The following ACYP2 variants were observed in gnomAD, a reference collection of about 807,000 sequenced individuals.
ACYP2 encodes acylphosphatase 2.
Under a neutral mutation model 11.2 loss-of-function variants are expected in ACYP2, and 12 were observed. The ratio of observed to expected loss-of-function variants is 1.08; its 90% CI spans 0.69 to 1.74. The LOEUF is 1.74. ACYP2 is among the 40% of genes most tolerant of loss of function. The pLI is 0.00. For synonymous variants in ACYP2, 43 were observed against 32.2 expected (o/e 1.33, Z -1.13); for missense variants, 134 against 101.9 (o/e 1.31, Z -1.35).
chr2:54,028,238 C>G (rs1160467708), intron 2 of ACYP2, among the ~76,000 whole-genome samples: 2 of 152,114 alleles, frequency 1.3e-5, no homozygotes, highest in Non-Finnish European at 2.9e-5. Flanking sequence ...GACTACTCAT[C>G]AGATATTTTG....
At chr2:54,008,501 A>G (rs1479590647) in intron 2 of ACYP2, among the ~76,000 whole-genome samples, 1 of 152,180 alleles carries the variant, frequency 6.6e-6, no homozygotes, top group African/African-American at 2.4e-5. Flanking sequence ...TATTCTACAC[A>G]AATTTACCAA....
chr2:54,078,423 G>A (rs1256369270), intron 4 of ACYP2, among the ~76,000 whole-genome samples: 4 of 72,546 alleles, frequency 5.5e-5, no homozygotes, highest in East Asian at 1.6e-3. Flanking sequence ...TATATGGTAC[G>A]CATATATATA....
At chr2:54,066,343 T>C (rs1676746417) in intron 4 of ACYP2, among the ~76,000 whole-genome samples, 1 of 152,178 alleles carries the variant, frequency 6.6e-6, no homozygotes, top group Non-Finnish European at 1.5e-5. Flanking sequence ...TGATTGTAAG[T>C]TTCTTGAGGC....
chr2:54,218,564 AT>A (rs1228646317), intron 6 of ACYP2, among the ~76,000 whole-genome samples: 1 of 152,184 alleles, frequency 6.6e-6, no homozygotes, highest in African/African-American at 2.4e-5. Context: ...AAGATGTTTT[AT>A]TTAGGATTGC....
chr2:54,183,269 TGTG>T (rs1435901832), intron 6 of ACYP2, among the ~76,000 whole-genome samples: 1 of 152,202 alleles, frequency 6.6e-6, no homozygotes, highest in Non-Finnish European at 1.5e-5. Context: ...GTTCTGATGA[TGTG>T]GTAGCATTTT....
At chr2:54,022,260 C>G (rs1674046164) in intron 2 of ACYP2, among the ~76,000 whole-genome samples, 1 of 152,028 alleles carries the variant, frequency 6.6e-6, no homozygotes, top group Admixed American at 6.6e-5. Context: ...CATCTTACCC[C>G]TGACAGGGTT....
intron 6 of ACYP2, among the ~76,000 whole-genome samples, chr2:54,236,613 T>G (rs927794499): frequency 6.6e-6 from 1 of 152,240 alleles, no homozygotes; most frequent in Non-Finnish European, 1.5e-5. Flanking sequence ...ACATATGATT[T>G]TGATAATGAT....
chr2:54,078,604 C>CTT (rs11326614), intron 4 of ACYP2, among the ~76,000 whole-genome samples: 4 of 141,354 alleles, frequency 2.8e-5, no homozygotes, highest in African/African-American at 7.8e-5. Flanking sequence ...TCTCAATAAG[C>CTT]TTTTTTTTTT....
At chr2:54,146,550 C>G (rs949018567) in intron 6 of ACYP2, among the ~76,000 whole-genome samples, 4 of 150,920 alleles carry the variant, frequency 2.7e-5, no homozygotes, top group African/African-American at 9.8e-5. Flanking sequence ...GCTGGGATTA[C>G]AGGTGTGAGC....
intron 6 of ACYP2, among the ~76,000 whole-genome samples, chr2:54,171,178 C>T (rs1281425758): frequency 2.6e-5 from 4 of 152,118 alleles, no homozygotes; most frequent in East Asian, 3.9e-4. Flanking sequence ...GTGCGCAAGC[C>T]GGAGTGCACA....
rs60217019 is a variant in ACYP2, at chr2:54,201,682, C to CTTTCTT, written c.404+62935_404+62936insTTCTTT. Among the ~76,000 whole-genome samples, 668 of 110,772 alleles carry CTTTCTT rather than the reference C, an allele frequency of 6.0e-3. 5 individuals are homozygous for CTTTCTT. The highest frequency in any genetic ancestry group is 8.6e-3 in the Middle Eastern group (2 of 232). The allele number at this position is 110,772 out of a possible 152,430, so 72.7% of individuals were successfully genotyped here. A position where few individuals can be genotyped will look rare whatever the true frequency, so the allele number is the denominator to read the frequency against. ...TCTTTCTTTCTTTCTTTCTTTCTTTCTCTCTCTCTCTCTCTCTTTTTTCTT... is the reference window on the plus strand; with the variant it reads ...TCTTTCTTTCTTTCTTTCTTTCTTTCTTTCTTTCTCTCTCTCTCTCTCTTTTTTCTT... On this transcript the variant is annotated intron_variant, in intron 6 of 6. Transcript: ENST00000607452.
At chr2:54,280,558 G>A (rs1217481528) in intron 6 of ACYP2, among the ~76,000 whole-genome samples, 1 of 152,116 alleles carries the variant, frequency 6.6e-6, no homozygotes. Context: ...AAGTAAAAAG[G>A]AACTCCCACT....
chr2:54,189,761 T>C (rs1313728619), intron 6 of ACYP2, among the ~76,000 whole-genome samples: 2 of 152,136 alleles, frequency 1.3e-5, no homozygotes, highest in East Asian at 1.9e-4. Context: ...AGTACTACTT[T>C]TAACTTATTT....
At chr2:53,982,048 A>G (rs1055985108) in intron 2 of ACYP2, among the ~76,000 whole-genome samples, 1 of 152,204 alleles carries the variant, frequency 6.6e-6, no homozygotes, top group Non-Finnish European at 1.5e-5. Flanking sequence ...AAATATAGTA[A>G]AGAGATGTAT....
chr2:54,121,445 T>A (rs1680152112), intron 4 of ACYP2, among the ~76,000 whole-genome samples: 1 of 152,232 alleles, frequency 6.6e-6, no homozygotes, highest in African/African-American at 2.4e-5. Flanking sequence ...ACCGGAGACC[T>A]GTCCCTGTCT....
chr2:54,248,495 C>A (rs968123337), intron 6 of ACYP2, among the ~76,000 whole-genome samples: 2 of 152,082 alleles, frequency 1.3e-5, no homozygotes, highest in African/African-American at 4.8e-5. Context: ...TCTGAAGAAA[C>A]TTATGGTCTA....
chr2:54,115,807 G>C (rs1437470641), intron 4 of ACYP2, 51 bp downstream of exon 1: 2 of 1,520,100 alleles, frequency 1.3e-6, no homozygotes, highest in East Asian at 5.1e-5. Flanking sequence ...GGAGGAAGGG[G>C]AGAAAGCTGT....
At position 54,294,666 on chromosome 2, in the gene ACYP2, C is replaced by T. The variant is rs561437618; in HGVS notation, c.405-10022C>T. Among the ~76,000 whole-genome samples, 46 of 152,108 alleles carry T rather than the reference C, an allele frequency of 3.0e-4. No homozygotes were observed. In the South Asian group the frequency reaches 8.5e-3, roughly 28 times the overall value. The stretch of plus-strand genomic sequence containing the variant: ...GTGGCTCACTCCTGTAATTGCAGCT[C>T]TTGGGAGGCTGAGGTGTGAGAAGTG... On this transcript the variant is annotated intron_variant, in intron 6 of 6. Transcript: ENST00000607452.
intron 2 of ACYP2, among the ~76,000 whole-genome samples, chr2:54,025,989 C>T (rs1011659870): frequency 9.2e-5 from 14 of 152,050 alleles, no homozygotes; most frequent in African/African-American, 2.9e-4. Context: ...TGATGGCAGG[C>T]GCCTGTAGTC....
Sources: allele counts gnomAD v4.1 joint callset (sites outside exome capture counted in the v4.1 genomes callset), GRCh38; gene constraint gnomAD v4.1.1; transcripts MANE v1.5; gene names NCBI Gene and HGNC (gene_info 2026-07-23, HGNC 2026-07-21).